Variants in CLSTN2 observed in about 807,000 individuals in gnomAD.
The protein encoded by CLSTN2 is calsyntenin 2, also known as calsyntenin-2.
Under a neutral mutation model 101.2 loss-of-function variants are expected in CLSTN2, and 48 were observed. The ratio of observed to expected loss-of-function variants is 0.47; its 90% CI spans 0.38 to 0.60. The LOEUF (loss-of-function observed/expected upper bound fraction) is 0.60, where lower values mean the gene tolerates loss of function less well. Ranked by LOEUF, CLSTN2 falls within the 20% of genes least tolerant of loss-of-function variation. CLSTN2 has a pLI of 0.00. For missense variants in CLSTN2, 1,160 were observed against 1,238.2 expected (o/e 0.94, Z 0.95); for synonymous variants, 481 against 463.6 (o/e 1.04, Z -0.48).
At chr3:139,993,885 T>G (rs893704315) in intron 1 of CLSTN2, among the ~76,000 whole-genome samples, 1 of 139,596 alleles carries the variant, frequency 7.2e-6, no homozygotes, top group Admixed American at 7.6e-5. Context: ...GGCAGGAAAC[T>G]GCACAAATGA....
At chr3:140,557,745 C>T (rs568614619) in intron 11 of CLSTN2, among the ~76,000 whole-genome samples, 2 of 152,286 alleles carry the variant, frequency 1.3e-5, no homozygotes, top group East Asian at 3.9e-4. Context: ...AGCTGAACCC[C>T]ACCTAGCACT....
At chr3:140,241,392 G>A (rs2086465637) in intron 2 of CLSTN2, among the ~76,000 whole-genome samples, 1 of 152,092 alleles carries the variant, frequency 6.6e-6, no homozygotes, top group East Asian at 1.9e-4. Context: ...GAGGAGAGTG[G>A]ACTCAATGTT....
At chr3:140,373,159 AAG>A (rs527372638) in intron 2 of CLSTN2, among the ~76,000 whole-genome samples, 3 of 152,252 alleles carry the variant, frequency 2.0e-5, no homozygotes, top group Non-Finnish European at 2.9e-5. Context: ...GTATTTTCCA[AAG>A]ATATGTAGCT....
intron 2 of CLSTN2, among the ~76,000 whole-genome samples, chr3:140,308,294 T>G (rs560160142): frequency 6.6e-6 from 1 of 152,222 alleles, no homozygotes; most frequent in Admixed American, 6.5e-5. Context: ...TCACATTAGA[T>G]GTTGATGTGC....
In CLSTN2 at chr3:140,510,287, G is replaced by A. The variant is rs145919042; in HGVS notation, c.1345-22037G>A. 5.5e-3 allele frequency among the ~76,000 whole-genome samples: 839 copies of A among 152,306 alleles called. 5 individuals are homozygous for A. Among genetic ancestry groups the A allele is most frequent in the South Asian group, 0.036 (173 of 4,824 alleles). On this transcript the variant is annotated intron_variant, in intron 8 of 16. Transcript: ENST00000458420. ...GAGACACTAACAGATCTGCCAAGGT[G>A]TCATCTAGGTGTGGAAAGGGAGATC...
chr3:140,032,519 T>A (rs1235479013), intron 1 of CLSTN2, among the ~76,000 whole-genome samples: 1 of 152,282 alleles, frequency 6.6e-6, no homozygotes, highest in South Asian at 2.1e-4. Flanking sequence ...GTATTTTTAG[T>A]AGAGATGGGG....
chr3:140,192,756 G>A (rs554849019), intron 2 of CLSTN2, among the ~76,000 whole-genome samples: 3 of 151,712 alleles, frequency 2.0e-5, no homozygotes, highest in Non-Finnish European at 4.4e-5. Context: ...ACTCTGCTGA[G>A]ATCTGCCTTT....
At chr3:140,330,990 C>T (rs74659856) in intron 2 of CLSTN2, among the ~76,000 whole-genome samples, 2,700 of 152,182 alleles carry the variant, frequency 0.018, 76 homozygotes, top group African/African-American at 0.059. Flanking sequence ...TTGACTCACA[C>T]GAGTATAAGA....
chr3:140,092,861 T>G (rs1276789846), intron 1 of CLSTN2, among the ~76,000 whole-genome samples: 3 of 152,180 alleles, frequency 2.0e-5, no homozygotes, highest in African/African-American at 7.2e-5. Flanking sequence ...GACGGTGACT[T>G]GCGTGCTGCC....
At chr3:140,423,156 C>CATGT (rs2088524249) in intron 5 of CLSTN2, among the ~76,000 whole-genome samples, 1 of 152,144 alleles carries the variant, frequency 6.6e-6, no homozygotes, top group African/African-American at 2.4e-5. Flanking sequence ...ATTTTTATTC[C>CATGT]TAAATTTAAA....
At chr3:140,115,441 C>T (rs1032934262) in intron 1 of CLSTN2, among the ~76,000 whole-genome samples, 8 of 152,144 alleles carry the variant, frequency 5.3e-5, no homozygotes, top group African/African-American at 1.9e-4. Context: ...CCTGGCCTCT[C>T]ACCCCCACCT....
chr3:140,011,753 A>G (rs916317859), intron 1 of CLSTN2, among the ~76,000 whole-genome samples: 3 of 151,540 alleles, frequency 2.0e-5, no homozygotes, highest in African/African-American at 7.3e-5. Context: ...ACCTTGCATG[A>G]GAGTTTTGTT....
intron 2 of CLSTN2, among the ~76,000 whole-genome samples, chr3:140,222,638 A>C (rs1476164870): frequency 6.6e-6 from 1 of 152,164 alleles, no homozygotes; most frequent in Admixed American, 6.5e-5. Flanking sequence ...AAAACTTTTT[A>C]AAAGAATGAA....
Position 140,397,126 on chromosome 3 carries a change from G to GA in CLSTN2, c.233-6494dup, listed in dbSNP as rs201950680. Among the ~76,000 whole-genome samples the GA allele has an allele frequency of 4.9e-3, 730 of 148,064 alleles. 8 individuals carry two copies. Among genetic ancestry groups the GA allele is most frequent in the African/African-American group, 0.017 (696 of 40,390 alleles). On this transcript the variant is annotated intron_variant, in intron 2 of 16. Coordinates refer to ENST00000458420, the MANE Select transcript of CLSTN2 (RefSeq NM_022131.3). ...TTTGACAAAAAAAGATATATTTTTG[G>GA]AAAAAAAAACAAATTAGTGAGAAGA...
At chr3:140,376,245 C>T (rs1363818499) in intron 2 of CLSTN2, among the ~76,000 whole-genome samples, 1 of 152,226 alleles carries the variant, frequency 6.6e-6, no homozygotes, top group Non-Finnish European at 1.5e-5. Flanking sequence ...TCAGAGTGAG[C>T]AGTTCAGCTT....
chr3:140,031,591 A>G (rs1216460907), intron 1 of CLSTN2, among the ~76,000 whole-genome samples: 1 of 152,254 alleles, frequency 6.6e-6, no homozygotes, highest in Admixed American at 6.5e-5. Flanking sequence ...TTGGAGATAC[A>G]TCCTAGTTTT....
intron 2 of CLSTN2, among the ~76,000 whole-genome samples, chr3:140,315,900 C>T (rs545929293): frequency 6.6e-6 from 1 of 152,282 alleles, no homozygotes; most frequent in African/African-American, 2.4e-5. Flanking sequence ...CGTGTGTGGC[C>T]TCTGCCTCCA....
At chr3:140,267,482 A>C (rs72990160) in intron 2 of CLSTN2, among the ~76,000 whole-genome samples, 5,193 of 152,298 alleles carry the variant, frequency 0.034, 188 homozygotes, top group African/African-American at 0.085. Flanking sequence ...GGAACATTGA[A>C]GATTAGGGAG....
At chr3:140,178,143 CCTGTT>C (rs1399960585) in intron 2 of CLSTN2, among the ~76,000 whole-genome samples, 2 of 152,106 alleles carry the variant, frequency 1.3e-5, no homozygotes, top group African/African-American at 2.4e-5. Flanking sequence ...CCTTTAATGT[CCTGTT>C]CTCATCTAAT....
Sources: gnomAD v4.1 joint callset for allele counts (sites outside exome capture counted in the v4.1 genomes callset) on GRCh38, gnomAD v4.1.1 for gene constraint, MANE v1.5 for transcripts, NCBI Gene and HGNC (gene_info 2026-07-23, HGNC 2026-07-21) for gene names.